CAMK1D: variants seen among roughly 807,000 people sequenced by gnomAD.
CAMK1D encodes calcium/calmodulin dependent protein kinase ID.
A neutral mutation model predicts 47.7 loss-of-function variants in CAMK1D; 9 were observed. The ratio of observed to expected loss-of-function variants is 0.19; its 90% CI spans 0.11 to 0.33. CAMK1D has a LOEUF of 0.33. Ranked by LOEUF, CAMK1D falls within the 10% of genes least tolerant of loss-of-function variation. The pLI, the probability that CAMK1D is intolerant of heterozygous loss-of-function variation, is 1.00. For missense variants in CAMK1D, 291 were observed against 488.7 expected (o/e 0.60, Z 3.81); for synonymous variants, 184 against 184.9 (o/e 0.99, Z 0.04).
intron 2 of CAMK1D, among the ~76,000 whole-genome samples, chr10:12,603,725 C>T (rs1838372280): frequency 6.6e-6 from 1 of 152,198 alleles, no homozygotes; most frequent in Admixed American, 6.5e-5. Flanking sequence ...CTTAGTACAA[C>T]TCTTTGCTTC....
chr10:12,466,564 G>A (rs930547071), intron 1 of CAMK1D, among the ~76,000 whole-genome samples: 1 of 150,824 alleles, frequency 6.6e-6, no homozygotes, highest in African/African-American at 2.4e-5. Flanking sequence ...CAGCCTGGGA[G>A]ACAGGGCAAG....
intron 3 of CAMK1D, among the ~76,000 whole-genome samples, chr10:12,750,094 T>C (rs1835878939): frequency 6.6e-6 from 1 of 152,240 alleles, no homozygotes; most frequent in Non-Finnish European, 1.5e-5. Flanking sequence ...GCACATACTG[T>C]ACATTTGTGC....
intron 5 of CAMK1D, among the ~76,000 whole-genome samples, chr10:12,774,491 G>T (rs1436319607): frequency 6.6e-6 from 1 of 152,156 alleles, no homozygotes; most frequent in African/African-American, 2.4e-5. Flanking sequence ...CTGAGCAGGG[G>T]TATGTGGACC....
In CAMK1D at chr10:12,745,213, G is replaced by A. The variant is rs138133708; in HGVS notation, c.300-15735G>A. 8.6e-3 allele frequency among the ~76,000 whole-genome samples: 1,305 copies of A among 152,164 alleles called. 27 individuals are homozygous for A. Among genetic ancestry groups the A allele is most frequent in the African/African-American group, 0.03 (1,253 of 41,506 alleles). On this transcript the variant is annotated intron_variant, in intron 3 of 10. Coordinates refer to ENST00000619168, the MANE Select transcript of CAMK1D (RefSeq NM_153498.4). ...GCCCAGCCAATTTTTTGTATTTTTA[G>A]TAGAGACAGGGTTTCACCGTGTTAG...
At chr10:12,532,760 C>T (rs1835849946) in intron 1 of CAMK1D, among the ~76,000 whole-genome samples, 1 of 151,966 alleles carries the variant, frequency 6.6e-6, no homozygotes, top group African/African-American at 2.4e-5. Flanking sequence ...ACTATTCAGC[C>T]ATAAAAAGAA....
intron 1 of CAMK1D, among the ~76,000 whole-genome samples, chr10:12,470,917 T>TGTAC: frequency 6.6e-6 from 1 of 152,312 alleles, no homozygotes; most frequent in East Asian, 1.9e-4. Flanking sequence ...CTTGTGTGTG[T>TGTAC]GTACGTGCGT....
chr10:12,617,172 T>G (rs1838850222), intron 2 of CAMK1D, among the ~76,000 whole-genome samples: 2 of 152,284 alleles, frequency 1.3e-5, no homozygotes, highest in South Asian at 2.1e-4. Context: ...CATTTAAGCT[T>G]TGCAGTAAGA....
intron 1 of CAMK1D, among the ~76,000 whole-genome samples, chr10:12,494,511 T>C (rs1299939841): frequency 6.6e-6 from 1 of 152,198 alleles, no homozygotes; most frequent in Non-Finnish European, 1.5e-5. Flanking sequence ...TAGTGCATCA[T>C]AAAGCCAGAT....
intron 2 of CAMK1D, among the ~76,000 whole-genome samples, chr10:12,665,391 G>T (rs530100529): frequency 2.0e-5 from 3 of 152,186 alleles, no homozygotes; most frequent in African/African-American, 7.2e-5. Context: ...AATGGTTTCC[G>T]TTTTTCCTAA....
chr10:12,590,371 C>A lies in CAMK1D; in HGVS notation c.224+37015C>A, dbSNP rs139995476. 8.7e-4 allele frequency among the ~76,000 whole-genome samples: 132 copies of A among 152,260 alleles called. 1 individual carries two copies. In the East Asian group the frequency reaches 0.014, roughly 16 times the overall value. Reference sequence around the variant, plus strand: ...TAGCTCGGACTGTGGGTGCACATCACCATGCCTGGCTAATTTTTAAGTGTT... The same window carrying A: ...TAGCTCGGACTGTGGGTGCACATCAACATGCCTGGCTAATTTTTAAGTGTT... On this transcript the variant is annotated intron_variant, in intron 2 of 10. Transcript: ENST00000619168.
chr10:12,407,088 A>G (rs1588451639), intron 1 of CAMK1D, among the ~76,000 whole-genome samples: 1 of 151,408 alleles, frequency 6.6e-6, no homozygotes, highest in Admixed American at 6.6e-5. Context: ...GCTGCCTATC[A>G]CCCTCCTTAT....
At chr10:12,543,912 C>T (rs59351665) in intron 1 of CAMK1D, among the ~76,000 whole-genome samples, 2,525 of 152,240 alleles carry the variant, frequency 0.017, 58 homozygotes, top group African/African-American at 0.058. Context: ...AGCAAAACAG[C>T]TTTTATTTTC....
intron 1 of CAMK1D, among the ~76,000 whole-genome samples, chr10:12,354,841 ATTTTTTT>A (rs11432459): frequency 3.1e-5 from 4 of 129,352 alleles, no homozygotes; most frequent in African/African-American, 8.9e-5. Flanking sequence ...TTGGAGGAAA[ATTTTTTT>A]TTTTTTTTTT....
chr10:12,764,824 G>A (rs895773750), intron 4 of CAMK1D, among the ~76,000 whole-genome samples: 5 of 152,164 alleles, frequency 3.3e-5, no homozygotes, highest in Non-Finnish European at 5.9e-5. Flanking sequence ...GGGCCAGTGC[G>A]GTGGCTCATG....
At chr10:12,634,627 A>G (rs529274127) in intron 2 of CAMK1D, among the ~76,000 whole-genome samples, 1 of 152,256 alleles carries the variant, frequency 6.6e-6, no homozygotes, top group East Asian at 1.9e-4. Flanking sequence ...TGCTCCTTCC[A>G]GACAGCCCCC....
At chr10:12,427,365 G>T (rs1199717957) in intron 1 of CAMK1D, among the ~76,000 whole-genome samples, 1 of 152,186 alleles carries the variant, frequency 6.6e-6, no homozygotes, top group East Asian at 1.9e-4. Context: ...GGGGTGCGGG[G>T]ACAGCAGAGT....
At chr10:12,652,889 G>A (rs1020753763) in intron 2 of CAMK1D, among the ~76,000 whole-genome samples, 2 of 152,218 alleles carry the variant, frequency 1.3e-5, no homozygotes, top group Non-Finnish European at 2.9e-5. Flanking sequence ...CTTTTTAATT[G>A]TGACTCATCT....
Position 12,597,288 on chromosome 10 carries a change from C to G in CAMK1D, c.224+43932C>G, listed in dbSNP as rs192462910. Among the ~76,000 whole-genome samples the G allele has an allele frequency of 4.5e-3, 692 of 152,278 alleles. 3 individuals are homozygous for G. The highest frequency in any genetic ancestry group is 7.3e-3 in the Non-Finnish European group (498 of 68,020). ...CATGATTGGGGAAGCATCCATCACCCCCTTGGGAACTGAACTCAGCTATAA... is the reference window on the plus strand; with the variant it reads ...CATGATTGGGGAAGCATCCATCACCGCCTTGGGAACTGAACTCAGCTATAA... On this transcript the variant is annotated intron_variant, in intron 2 of 10. Coordinates refer to ENST00000619168, the MANE Select transcript of CAMK1D (RefSeq NM_153498.4).
chr10:12,562,483 CA>C (rs1166056799), intron 2 of CAMK1D, among the ~76,000 whole-genome samples: 2 of 152,178 alleles, frequency 1.3e-5, no homozygotes, highest in African/African-American at 4.8e-5. Flanking sequence ...GTCTGATAGT[CA>C]CCCTCACTAC....
Sources: allele counts gnomAD v4.1 joint callset (sites outside exome capture counted in the v4.1 genomes callset), GRCh38; gene constraint gnomAD v4.1.1; transcripts MANE v1.5; gene names NCBI Gene and HGNC (gene_info 2026-07-23, HGNC 2026-07-21).